The following XIRP2 variants were observed in gnomAD, a reference collection of about 807,000 sequenced individuals.
The protein encoded by XIRP2 is xin actin binding repeat containing 2, also known as xin actin-binding repeat-containing protein 2.
XIRP2 carries 236 observed loss-of-function variants against 277.0 expected under a neutral mutation model. The ratio of observed to expected loss-of-function variants is 0.85; its 90% CI spans 0.77 to 0.95. XIRP2 has a LOEUF of 0.95. Among genes scored for constraint, XIRP2 ranks in the 40% least tolerant of loss-of-function variants. The pLI, the probability that XIRP2 is intolerant of heterozygous loss-of-function variation, is 0.00. For missense variants in XIRP2, 4,640 were observed against 4,157.5 expected, an observed-to-expected ratio of 1.12 and a Z score of -3.19; for synonymous variants, 1,490 against 1,416.5, an observed-to-expected ratio of 1.05 and a Z score of -1.17.
At chr2:167,111,631 TC>T (rs1690757699) in intron 2 of XIRP2, among the ~76,000 whole-genome samples, 1 of 146,888 alleles carries the variant, frequency 6.8e-6, no homozygotes, top group Non-Finnish European at 1.5e-5. Context: ...CTGAACGTTT[TC>T]TTTTTTTCTT....
intron 2 of XIRP2, among the ~76,000 whole-genome samples, chr2:167,009,585 T>C (rs1473800104): frequency 6.6e-6 from 1 of 152,040 alleles, no homozygotes; most frequent in Non-Finnish European, 1.5e-5. Context: ...TACCCAGTAA[T>C]GGGATGGCTG....
chr2:167,166,010 A>G (rs1044698466), intron 3 of XIRP2, among the ~76,000 whole-genome samples: 23 of 152,114 alleles, frequency 1.5e-4, no homozygotes, highest in Non-Finnish European at 3.1e-4. Context: ...TTTTTTTATA[A>G]AACATGTTAG....
At chr2:167,009,961 A>G (rs1301968562) in intron 2 of XIRP2, among the ~76,000 whole-genome samples, 1 of 152,040 alleles carries the variant, frequency 6.6e-6, no homozygotes, top group Non-Finnish European at 1.5e-5. Context: ...GATTCTGGAT[A>G]TTAGCCCTTT....
chr2:167,241,931 A>G (rs1460408115), intron 8 of XIRP2, 21 bp downstream of exon 8: 2 of 1,603,508 alleles, frequency 1.2e-6, no homozygotes, highest in East Asian at 4.5e-5. Flanking sequence ...TTCTTTACAC[A>G]GAAACATACT....
chr2:167,017,022 T>G (rs1328077095), intron 2 of XIRP2, among the ~76,000 whole-genome samples: 1 of 151,942 alleles, frequency 6.6e-6, no homozygotes, highest in Non-Finnish European at 1.5e-5. Flanking sequence ...TCAACTATAC[T>G]CTTCACAGTG....
intron 5 of XIRP2, among the ~76,000 whole-genome samples, chr2:167,231,572 T>C (rs1694755430): frequency 6.7e-6 from 1 of 148,926 alleles, no homozygotes; most frequent in African/African-American, 2.5e-5. Flanking sequence ...ACAGTTTTCT[T>C]TTTTTTTTTA....
chr2:167,102,373 C>T (rs1457594614), intron 2 of XIRP2, among the ~76,000 whole-genome samples: 1 of 152,192 alleles, frequency 6.6e-6, no homozygotes, highest in African/African-American at 2.4e-5. Context: ...TATCTCTTAA[C>T]ATGGCCATGT....
At chr2:166,939,633 T>C (rs1156471691) in intron 2 of XIRP2, among the ~76,000 whole-genome samples, 1 of 126,312 alleles carries the variant, frequency 7.9e-6, no homozygotes, top group Non-Finnish European at 1.6e-5. Flanking sequence ...TGAGCCGAGA[T>C]CACGCCACTG....
chr2:167,172,192 C>T (rs1692716092), intron 3 of XIRP2, among the ~76,000 whole-genome samples: 1 of 152,022 alleles, frequency 6.6e-6, no homozygotes, highest in Admixed American at 6.6e-5. Context: ...CGTGATGCTC[C>T]CCAAGCCGCA....
Position 167,250,440 on chromosome 2 carries a change from A to T in XIRP2, c.9048A>T (p.Lys3016Asn). 1 of 1,613,434 alleles carries T rather than the reference A, an allele frequency of 6.2e-7. No individual in the cohort carries two copies. Among genetic ancestry groups the T allele is most frequent in the South Asian group, 1.1e-5 (1 of 91,014 alleles). ...EKVKEEITHI[K>N]TQAEDMLVSY... ...TAAAAGAAGAAATAACACATATTAA[A>T]ACTCAAGCGGAAGATATGCTTGTGT... Residue 3016 changes from lysine to asparagine, a missense_variant, in exon 9 of 11, where the codon AAA (lysine) becomes AAT (asparagine). Lys to Asn is a moderately conservative substitution (Grantham distance 94). Transcript: ENST00000409195.
intron 3 of XIRP2, among the ~76,000 whole-genome samples, chr2:167,178,839 G>A (rs981235737): frequency 6.6e-6 from 1 of 152,072 alleles, no homozygotes; most frequent in Non-Finnish European, 1.5e-5. Flanking sequence ...GCCCATGGAT[G>A]TTTTGTTCAT....
chr2:167,219,480 G>A (rs987375090), intron 5 of XIRP2, among the ~76,000 whole-genome samples: 1 of 152,100 alleles, frequency 6.6e-6, no homozygotes, highest in African/African-American at 2.4e-5. Context: ...CACTTTGAAG[G>A]GAAGCAGTGG....
chr2:166,916,931 G>C (rs140575934), intron 2 of XIRP2, among the ~76,000 whole-genome samples: 6 of 152,282 alleles, frequency 3.9e-5, no homozygotes, highest in African/African-American at 1.4e-4. Flanking sequence ...ACCTGAAGGA[G>C]AAGAGGCATT....
At chr2:167,132,511 TACACACACACACACACAC>T (rs35636231) in intron 2 of XIRP2, among the ~76,000 whole-genome samples, 1 of 146,226 alleles carries the variant, frequency 6.8e-6, no homozygotes. Flanking sequence ...TGCATGTGTA[TACACACACACACACACAC>T]ACACACACAC....
In XIRP2 at chr2:167,249,147, G is replaced by T. The variant is rs752857460; in HGVS notation, c.7755G>T (p.Lys2585Asn). The T allele has an allele frequency of 6.2e-7, 1 of 1,613,694 alleles. No individual in the cohort carries two copies. The highest frequency in any genetic ancestry group is 8.5e-7 in the Non-Finnish European group (1 of 1,179,772). Residue 2585 changes from lysine to asparagine, a missense_variant, in exon 9 of 11, where the codon AAG (lysine) becomes AAT (asparagine). By Grantham distance (94) the Lys-to-Asn change is moderately conservative (BLOSUM62 0). Transcript: ENST00000409195. ...ATCAACACATAACAGAGGTGGAAAAGGAAATGCCATTACAAAAAACCAATG... is the reference window on the plus strand; with the variant it reads ...ATCAACACATAACAGAGGTGGAAAATGAAATGCCATTACAAAAAACCAATG... ...SQNQHITEVE[K>N]EMPLQKTNEE...
rs1695392615 is a variant in XIRP2 at position 167,249,340 on chromosome 2, G to C, written c.7948G>C (p.Glu2650Gln). The C allele has an allele frequency of 5.0e-6, 8 of 1,613,714 alleles. No individual in the cohort carries two copies. The highest frequency in any genetic ancestry group is 6.8e-6 in the Non-Finnish European group (8 of 1,179,778). Residue 2650 changes from glutamate (E) to glutamine (Q), a missense_variant, in exon 9 of 11, where the codon GAA (glutamate) becomes CAA (glutamine). Glu to Gln is a conservative substitution (Grantham distance 29). Transcript: ENST00000409195. ...GCTCCACCATGTTTTAGCAGCTTCA[G>C]AAGACAAAGATAAGATGAAAAAGGA... ...KRLHHVLAAS[E>Q]DKDKMKKEVL...
In XIRP2 at chr2:166,951,992, C is replaced by G. The variant is rs115499182; in HGVS notation, c.408+48102C>G. Among the ~76,000 whole-genome samples the G allele has an allele frequency of 2.7e-3, 413 of 152,070 alleles. 3 individuals carry two copies. Among genetic ancestry groups the G allele is most frequent in the African/African-American group, 9.6e-3 (397 of 41,496 alleles). On this transcript the variant is annotated intron_variant, in intron 2 of 10. Coordinates refer to ENST00000409195, the MANE Select transcript of XIRP2 (RefSeq NM_152381.6). ...TGTGGCTTTGTGTAGGCCATTTAGC[C>G]CCTGTGTGCTTCAGTTGCTTCATCT...
intron 2 of XIRP2, among the ~76,000 whole-genome samples, chr2:166,913,240 C>A (rs564783739): frequency 1.3e-5 from 2 of 151,856 alleles, no homozygotes; most frequent in African/African-American, 4.8e-5. Context: ...CCTTGAGCTG[C>A]GGTGGGCTCC....
chr2:167,130,551 C>G (rs1388137524), intron 2 of XIRP2, among the ~76,000 whole-genome samples: 4 of 152,202 alleles, frequency 2.6e-5, no homozygotes, highest in Non-Finnish European at 2.9e-5. Context: ...CCAGTCACCA[C>G]TCTTTACAAT....
Sources: gnomAD v4.1 joint callset for allele counts (sites outside exome capture counted in the v4.1 genomes callset) on GRCh38, gnomAD v4.1.1 for gene constraint, MANE v1.5 for transcripts, NCBI Gene and HGNC (gene_info 2026-07-23, HGNC 2026-07-21) for gene names.